The following ITFG1 variants were observed in gnomAD, a reference collection of about 807,000 sequenced individuals.
The protein encoded by ITFG1 is T-cell immunomodulatory protein.
In ITFG1, 34 loss-of-function variants were observed where a neutral mutation model predicts 81.8. The ratio of observed to expected loss-of-function variants is 0.42; its 90% CI spans 0.32 to 0.55. The LOEUF (loss-of-function observed/expected upper bound fraction) is 0.55. Among genes scored for constraint, ITFG1 ranks in the 20% least tolerant of loss-of-function variants. ITFG1 has a pLI of 0.17. For synonymous variants in ITFG1, 285 were observed against 270.6 expected (o/e 1.05, Z -0.52); for missense variants, 672 against 755.4 (o/e 0.89, Z 1.29).
In ITFG1 at chr16:47,160,255, A is replaced by G. The variant is rs1035983927; in HGVS notation, c.1662-1265T>C. Among the ~76,000 whole-genome samples the G allele has an allele frequency of 2.6e-5, 4 of 151,598 alleles. No individual in the cohort carries two copies. In the East Asian group the frequency reaches 5.8e-4, roughly 22 times the overall value. On this transcript the variant is annotated intron_variant, in intron 16 of 17. Transcript: ENST00000320640. ...CTCCTCAGAGGCAGTCACTCTTACC[A>G]GTTTCCTGCATATCCTTTCAGAGAT...
chr16:47,384,616 G>A (rs1282211668), intron 6 of ITFG1, among the ~76,000 whole-genome samples: 1 of 152,118 alleles, frequency 6.6e-6, no homozygotes, highest in Non-Finnish European at 1.5e-5. Context: ...CTGATAACTT[G>A]GAAAAAGTAA....
At chr16:47,428,351 G>A (rs1325125102) in intron 6 of ITFG1, among the ~76,000 whole-genome samples, 1 of 151,986 alleles carries the variant, frequency 6.6e-6, no homozygotes, top group African/African-American at 2.4e-5. Context: ...GCTAGGTGAC[G>A]GTTAAATGTG....
At chr16:47,352,680 C>G (rs192625124) in intron 8 of ITFG1, among the ~76,000 whole-genome samples, 89 of 152,270 alleles carry the variant, frequency 5.8e-4, no homozygotes, top group African/African-American at 2.0e-3. Context: ...ACTAGAAATA[C>G]CATTTGACCC....
chr16:47,222,835 A>G (rs890848549), intron 13 of ITFG1, among the ~76,000 whole-genome samples: 1 of 152,190 alleles, frequency 6.6e-6, no homozygotes, highest in African/African-American at 2.4e-5. Flanking sequence ...TATGTGGTCA[A>G]TTTTGGAATA....
At chr16:47,186,524 A>C (rs989428714) in intron 14 of ITFG1, among the ~76,000 whole-genome samples, 1 of 152,218 alleles carries the variant, frequency 6.6e-6, no homozygotes, top group Admixed American at 6.5e-5. Context: ...CGATTATCTC[A>C]ATAGATGCAG....
chr16:47,376,839 C>T (rs1001329462), intron 6 of ITFG1, among the ~76,000 whole-genome samples: 5 of 151,612 alleles, frequency 3.3e-5, no homozygotes, highest in East Asian at 1.9e-4. Context: ...TGTGATGGTG[C>T]GCACCTGTAG....
intron 12 of ITFG1, chr16:47,238,418 AG>A (rs1216762018): frequency 6.5e-6 from 1 of 153,916 alleles, no homozygotes; most frequent in African/African-American, 2.4e-5. Flanking sequence ...ATCTCAAACT[AG>A]ACTTTTTTCA....
At chr16:47,198,512 A>G (rs1005111501) in intron 14 of ITFG1, among the ~76,000 whole-genome samples, 11 of 152,204 alleles carry the variant, frequency 7.2e-5, no homozygotes, top group African/African-American at 2.2e-4. Flanking sequence ...GATATTACTG[A>G]TTTATGTATT....
intron 12 of ITFG1, 118 bp from the exon 13 acceptor site, chr16:47,238,126 CA>C: frequency 1.6e-6 from 1 of 615,570 alleles, no homozygotes; most frequent in Non-Finnish European, 2.8e-6. Context: ...AAGCAGAAAC[CA>C]ATTCAATTTC....
At chr16:47,196,900 A>G (rs1399426538) in intron 14 of ITFG1, among the ~76,000 whole-genome samples, 2 of 152,184 alleles carry the variant, frequency 1.3e-5, no homozygotes, top group African/African-American at 2.4e-5. Context: ...ACTGTACTCC[A>G]GCCTAGGTGA....
At chr16:47,453,120 A>C (rs1478854344) in intron 3 of ITFG1, among the ~76,000 whole-genome samples, 1 of 152,234 alleles carries the variant, frequency 6.6e-6, no homozygotes, top group South Asian at 2.1e-4. Context: ...GGTGTAAAGA[A>C]GGCCACATAT....
At chr16:47,368,183 G>A (rs901460065) in intron 7 of ITFG1, among the ~76,000 whole-genome samples, 2 of 148,294 alleles carry the variant, frequency 1.3e-5, no homozygotes, top group African/African-American at 5.0e-5. Context: ...GCAGTAAGCC[G>A]AGATTGCACC....
At chr16:47,246,514 T>A (rs1966003736) in intron 12 of ITFG1, among the ~76,000 whole-genome samples, 1 of 152,188 alleles carries the variant, frequency 6.6e-6, no homozygotes, top group South Asian at 2.1e-4. Flanking sequence ...TAATTAGGAA[T>A]TCTGAACTCT....
chr16:47,446,037 C>A (rs1969320408), intron 5 of ITFG1, among the ~76,000 whole-genome samples: 1 of 151,952 alleles, frequency 6.6e-6, no homozygotes, highest in Admixed American at 6.6e-5. Context: ...GTTAGCCACA[C>A]AAGCTATCTG....
intron 1 of ITFG1, among the ~76,000 whole-genome samples, chr16:47,460,380 C>T (rs913343436): frequency 3.3e-5 from 5 of 152,172 alleles, no homozygotes; most frequent in Non-Finnish European, 7.4e-5. Context: ...AGAAGAAGCC[C>T]CCTATGAGAA....
intron 10 of ITFG1, among the ~76,000 whole-genome samples, chr16:47,273,986 G>A (rs1596853599): frequency 6.6e-6 from 1 of 152,296 alleles, no homozygotes; most frequent in East Asian, 1.9e-4. Flanking sequence ...GCTGGGCGTG[G>A]TGGCTCACGC....
intron 10 of ITFG1, among the ~76,000 whole-genome samples, chr16:47,269,189 C>T (rs1031451352): frequency 6.6e-6 from 1 of 152,060 alleles, no homozygotes; most frequent in Non-Finnish European, 1.5e-5. Context: ...AAACAAAGGA[C>T]ATCCGGATTG....
At chr16:47,222,413 C>CTT (rs1043034196) in intron 13 of ITFG1, among the ~76,000 whole-genome samples, 134 of 130,908 alleles carry the variant, frequency 1.0e-3, no homozygotes, top group Admixed American at 3.1e-3. Context: ...GAGTTTCTTT[C>CTT]TTTTTTTTTT....
intron 2 of ITFG1, among the ~76,000 whole-genome samples, chr16:47,457,301 A>C: frequency 6.6e-6 from 1 of 150,698 alleles, no homozygotes; most frequent in Non-Finnish European, 1.5e-5. Context: ...ACAGAGTGAG[A>C]CTCTGTCTCA....
Sources: gnomAD v4.1 joint callset for allele counts (sites outside exome capture counted in the v4.1 genomes callset) on GRCh38, gnomAD v4.1.1 for gene constraint, MANE v1.5 for transcripts, NCBI Gene and HGNC (gene_info 2026-07-23, HGNC 2026-07-21) for gene names.